EFHC1: variants seen among roughly 807,000 people sequenced by gnomAD.
The protein encoded by EFHC1 is EF-hand domain containing 1.
A neutral mutation model predicts 69.9 loss-of-function variants in EFHC1; 53 were observed. That is an observed-to-expected ratio of 0.76 (90% CI 0.61 to 0.95). The LOEUF is 0.95. EFHC1 is among the 40% of genes least tolerant of loss of function. The pLI is 0.00. For missense variants in EFHC1, 739 were observed against 798.7 expected, an observed-to-expected ratio of 0.93 and a Z score of 0.90; for synonymous variants, 256 against 278.4, an observed-to-expected ratio of 0.92 and a Z score of 0.80.
intron 3 of EFHC1, among the ~76,000 whole-genome samples, chr6:52,445,832 A>G (rs1764771522): frequency 6.6e-6 from 1 of 152,210 alleles, no homozygotes; most frequent in African/African-American, 2.4e-5. Flanking sequence ...GTAGTCATTC[A>G]GGAGCAGGTT....
Position 52,492,921 on chromosome 6 carries a change from A to G in EFHC1, c.*580A>G, listed in dbSNP as rs1581856509. The G allele has an allele frequency of 2.2e-6, 1 of 454,126 alleles. No individual in the cohort carries two copies. The highest frequency in any genetic ancestry group is 6.9e-5 in the East Asian group (1 of 14,400). 28.1% of individuals were successfully genotyped at this position (454,126 alleles called of 1,614,324 possible). ...CATGAGCCACTGTGCCCAGCCTCAG[A>G]TATTTCATTATTCTGGGGGTTTCTC... On this transcript the variant is annotated 3_prime_UTR_variant, in exon 11 of 11. Transcript: ENST00000371068.
At chr6:52,486,426 T>C (rs1353539357) in intron 9 of EFHC1, 2 of 152,212 alleles carry the variant, frequency 1.3e-5, no homozygotes, top group African/African-American at 4.8e-5. Context: ...CATACACACA[T>C]TTGTTCATAT....
chr6:52,491,614 C>T (rs1459111134), intron 10 of EFHC1, among the ~76,000 whole-genome samples: 1 of 152,232 alleles, frequency 6.6e-6, no homozygotes, highest in Non-Finnish European at 1.5e-5. Context: ...TGAGACATCT[C>T]TACGACAATT....
At chr6:52,490,902 A>C (rs1765885848) in intron 10 of EFHC1, 1 of 158,294 alleles carries the variant, frequency 6.3e-6, no homozygotes, top group African/African-American at 2.4e-5. Context: ...CTTCATTATA[A>C]ACCCTTTAGC....
intron 5 of EFHC1, among the ~76,000 whole-genome samples, chr6:52,456,217 T>C (rs932913293): frequency 1.3e-5 from 2 of 152,236 alleles, no homozygotes; most frequent in African/African-American, 4.8e-5. Flanking sequence ...ACTGGATCTG[T>C]GCCCTAGTTC....
chr6:52,436,407 A>G (rs928975972), intron 2 of EFHC1, among the ~76,000 whole-genome samples: 2 of 151,780 alleles, frequency 1.3e-5, no homozygotes, highest in Non-Finnish European at 2.9e-5. Context: ...GTGTCCGTGT[A>G]TAGAATTATT....
intron 10 of EFHC1, chr6:52,491,080 G>A (rs989754015): frequency 1.3e-5 from 2 of 152,184 alleles, no homozygotes; most frequent in Non-Finnish European, 2.9e-5. Context: ...TTTAGGAAAG[G>A]GTTTGGTTTA....
chr6:52,496,888 CAAAG>C lies in EFHC1; in HGVS notation c.*4553_*4556del, dbSNP rs1033346602. ...GCACTCATCTTTTGAGATCTTTTTCCAAAGAAAGATGGTTCTGGTAAACACAGCA... is the reference window on the plus strand; with the variant it reads ...GCACTCATCTTTTGAGATCTTTTTCCAAAGATGGTTCTGGTAAACACAGCA... On this transcript the variant is annotated 3_prime_UTR_variant, in exon 11 of 11. Coordinates refer to ENST00000371068, the MANE Select transcript of EFHC1 (RefSeq NM_018100.4). 1 of 152,150 alleles carries C rather than the reference CAAAG, an allele frequency of 6.6e-6. No homozygotes were observed. Among genetic ancestry groups the C allele is most frequent in the Admixed American group, 6.5e-5 (1 of 15,280 alleles). The allele number at this position is 152,150 out of a possible 1,614,324, so 9.4% of individuals were successfully genotyped here. A position where few individuals can be genotyped will look rare whatever the true frequency, so the allele number is the denominator to read the frequency against.
rs115123834 is a variant in EFHC1 at position 52,442,038 on chromosome 6, T to G, written c.573+3447T>G. Among the ~76,000 whole-genome samples, 845 of 152,254 alleles carry G rather than the reference T, an allele frequency of 5.5e-3. 8 individuals carry two copies. Among genetic ancestry groups the G allele is most frequent in the African/African-American group, 0.019 (795 of 41,560 alleles). On this transcript the variant is annotated intron_variant, in intron 3 of 10. Transcript: ENST00000371068. ...AGTTTTCTAGATATAGAATCATGTT[T>G]TCTCCAAACAGGGATAGTTTGACTT...
intron 10 of EFHC1, chr6:52,490,707 C>G (rs1765882250): frequency 2.2e-6 from 1 of 463,694 alleles, no homozygotes; most frequent in South Asian, 3.3e-5. Flanking sequence ...CTTTGATACC[C>G]TTCACAGCTG....
chr6:52,429,679 C>T (rs1726505263), intron 2 of EFHC1, among the ~76,000 whole-genome samples: 1 of 152,002 alleles, frequency 6.6e-6, no homozygotes, highest in African/African-American at 2.4e-5. Flanking sequence ...TATGCGGGCT[C>T]TTTTTAGGTT....
chr6:52,483,094 A>G, intron 9 of EFHC1: 1 of 375,500 alleles, frequency 2.7e-6, no homozygotes, highest in East Asian at 3.8e-5. Flanking sequence ...GAAGTGATGT[A>G]ATTGTCACTG....
chr6:52,450,853 C>T (rs1449495685), intron 3 of EFHC1, among the ~76,000 whole-genome samples: 1 of 152,154 alleles, frequency 6.6e-6, no homozygotes, highest in African/African-American at 2.4e-5. Flanking sequence ...GGTTGGCGTG[C>T]AGTGGCGTGC....
chr6:52,445,947 T>C (rs528773433), intron 3 of EFHC1, among the ~76,000 whole-genome samples: 63 of 152,336 alleles, frequency 4.1e-4, no homozygotes, highest in Non-Finnish European at 8.4e-4. Flanking sequence ...ATTTCTGTTC[T>C]TTTACATTTG....
chr6:52,469,565 G>T (rs1345708730), intron 7 of EFHC1, 92 bp downstream of exon 7: 45 of 1,552,306 alleles, frequency 2.9e-5, no homozygotes, highest in Non-Finnish European at 3.7e-5. Flanking sequence ...ATTAACAGCT[G>T]TCAGAGTTAT....
intron 7 of EFHC1, among the ~76,000 whole-genome samples, chr6:52,475,764 G>C (rs1765532864): frequency 1.3e-5 from 2 of 152,336 alleles, no homozygotes; most frequent in African/African-American, 4.8e-5. Context: ...CTCTGGGCTA[G>C]ATATGGTTCT....
intron 5 of EFHC1, among the ~76,000 whole-genome samples, chr6:52,461,259 C>T (rs540351957): frequency 1.1e-4 from 16 of 152,198 alleles, no homozygotes; most frequent in Non-Finnish European, 2.1e-4. Context: ...GTGTATTGTT[C>T]CCTCCTATGT....
intron 9 of EFHC1, chr6:52,482,896 G>A: frequency 2.5e-6 from 1 of 398,478 alleles, no homozygotes; most frequent in Non-Finnish European, 4.4e-6. Context: ...TATTTGACTT[G>A]AATTCACTTC....
chr6:52,434,163 A>G (rs1764477093), intron 2 of EFHC1, among the ~76,000 whole-genome samples: 1 of 152,066 alleles, frequency 6.6e-6, no homozygotes, highest in Non-Finnish European at 1.5e-5. Context: ...GAATCTGTAC[A>G]CTGGATTCAC....
Sources: allele counts gnomAD v4.1 joint callset (sites outside exome capture counted in the v4.1 genomes callset), GRCh38; gene constraint gnomAD v4.1.1; transcripts MANE v1.5; gene names NCBI Gene and HGNC (gene_info 2026-07-23, HGNC 2026-07-21).